PRKN: variants seen among roughly 807,000 people sequenced by gnomAD.
PRKN encodes parkin RBR E3 ubiquitin protein ligase.
In PRKN, 56 loss-of-function variants were observed where a neutral mutation model predicts 59.5. The ratio of observed to expected loss-of-function variants is 0.94; its 90% CI spans 0.76 to 1.18. PRKN has a LOEUF of 1.18. PRKN is among the 50% of genes most tolerant of loss of function. The pLI is 0.00. For missense variants in PRKN, 657 were observed against 596.4 expected (o/e 1.10, Z -1.06); for synonymous variants, 250 against 222.1 (o/e 1.13, Z -1.12).
At chr6:161,697,113 C>G (rs976893468) in intron 7 of PRKN, among the ~76,000 whole-genome samples, 5 of 152,196 alleles carry the variant, frequency 3.3e-5, no homozygotes, top group Admixed American at 6.5e-5. Flanking sequence ...TGTGTGGCTC[C>G]GTGTGAAGTA....
chr6:162,526,542 C>T (rs1409847652), intron 1 of PRKN, among the ~76,000 whole-genome samples: 3 of 151,256 alleles, frequency 2.0e-5, no homozygotes, highest in Non-Finnish European at 2.9e-5. Flanking sequence ...CCCAGCTACT[C>T]AGGAGGCTGA....
chr6:162,722,631 A>G (rs1330110171), intron 1 of PRKN, among the ~76,000 whole-genome samples: 2 of 152,234 alleles, frequency 1.3e-5, no homozygotes, highest in Admixed American at 6.5e-5. Flanking sequence ...AGAATAAAGT[A>G]TTTTGCATTA....
At chr6:162,248,455 A>T (rs7741527) in intron 3 of PRKN, among the ~76,000 whole-genome samples, 9,123 of 151,998 alleles carry the variant, frequency 0.06, 426 homozygotes, top group East Asian at 0.12. Flanking sequence ...TGCTTGCCTG[A>T]GAACTGTGCT....
At chr6:162,639,657 C>G (rs1777884354) in intron 1 of PRKN, among the ~76,000 whole-genome samples, 1 of 144,992 alleles carries the variant, frequency 6.9e-6, no homozygotes, top group Admixed American at 7.2e-5. Flanking sequence ...AAAGCCTACA[C>G]TGAACGGAAA....
chr6:161,977,547 T>G lies in PRKN; in HGVS notation c.619-4130A>C, dbSNP rs1180879059. ...CTCTACTTTCTGTTTTTTTGGTTTT[T>G]TTTTTTTTTTTTTTTTTTAAGACAG... On this transcript the variant is annotated intron_variant, in intron 5 of 11. Transcript: ENST00000366898. 3.9e-4 allele frequency among the ~76,000 whole-genome samples: 57 copies of G among 146,418 alleles called. 1 individual carries two copies. The highest frequency in any genetic ancestry group is 7.1e-3 in the Middle Eastern group (2 of 280).
intron 6 of PRKN, among the ~76,000 whole-genome samples, chr6:161,815,713 G>GGTTC (rs1791747280): frequency 6.6e-6 from 1 of 152,188 alleles, no homozygotes; most frequent in Admixed American, 6.5e-5. Flanking sequence ...CTGGTTCAGG[G>GGTTC]AGGGAGACCC....
At chr6:162,016,890 G>A (rs183545446) in intron 5 of PRKN, among the ~76,000 whole-genome samples, 137 of 152,162 alleles carry the variant, frequency 9.0e-4, no homozygotes, top group African/African-American at 3.3e-3. Context: ...GAGGGGATGG[G>A]CAGGATGGAT....
chr6:162,688,199 T>C lies in PRKN; in HGVS notation c.7+39463A>G, dbSNP rs1183494775. On this transcript the variant is annotated intron_variant, in intron 1 of 11. Coordinates refer to ENST00000366898, the MANE Select transcript of PRKN (RefSeq NM_004562.3). ...TAACACTGACTGAAAAAAACAGACA[T>C]AAAACATAATGCATGATTCCATCTA... is the stretch of plus-strand genomic sequence containing the variant. Among the ~76,000 whole-genome samples, 8 of 152,108 alleles carry C rather than the reference T, an allele frequency of 5.3e-5. No homozygotes were observed. The East Asian group carries it at 1.5e-3, about 29-fold the overall frequency.
chr6:162,720,617 A>T (rs1458296771), intron 1 of PRKN, among the ~76,000 whole-genome samples: 2 of 151,006 alleles, frequency 1.3e-5, no homozygotes, highest in Non-Finnish European at 3.0e-5. Context: ...CGCCCGGCTA[A>T]TTTTTTGTAT....
intron 7 of PRKN, among the ~76,000 whole-genome samples, chr6:161,742,904 G>T (rs535352913): frequency 4.6e-5 from 7 of 152,290 alleles, no homozygotes; most frequent in Middle Eastern, 3.4e-3. Flanking sequence ...GGCCGCAGAG[G>T]TTGAGAGAGA....
At chr6:161,392,360 G>C (rs1199311117) in intron 9 of PRKN, among the ~76,000 whole-genome samples, 1 of 151,726 alleles carries the variant, frequency 6.6e-6, no homozygotes, top group Non-Finnish European at 1.5e-5. Context: ...CTCCAGCCTG[G>C]GTGACAGGGT....
chr6:161,704,760 T>G (rs1786411417), intron 7 of PRKN, among the ~76,000 whole-genome samples: 2 of 152,106 alleles, frequency 1.3e-5, no homozygotes, highest in South Asian at 4.1e-4. Context: ...TTTCTCTGTA[T>G]CCAAATGATT....
chr6:161,715,953 C>T (rs1786956622), intron 7 of PRKN: 3 of 476,250 alleles, frequency 6.3e-6, no homozygotes, highest in South Asian at 3.1e-5. Flanking sequence ...GATACTCCAC[C>T]CTAGACAGAC....
At chr6:162,642,935 T>C (rs1222285909) in intron 1 of PRKN, among the ~76,000 whole-genome samples, 1 of 152,136 alleles carries the variant, frequency 6.6e-6, no homozygotes, top group East Asian at 1.9e-4. Flanking sequence ...AGACATAGTA[T>C]GATTGAAGAA....
intron 4 of PRKN, among the ~76,000 whole-genome samples, chr6:162,195,741 C>T (rs542668046): frequency 5.8e-4 from 89 of 152,216 alleles, no homozygotes; most frequent in African/African-American, 2.0e-3. Context: ...AATCTCCTGG[C>T]TTCTGATTCA....
intron 6 of PRKN, among the ~76,000 whole-genome samples, chr6:161,804,432 G>A (rs1291198560): frequency 1.3e-5 from 2 of 152,260 alleles, no homozygotes; most frequent in South Asian, 2.1e-4. Flanking sequence ...CAAGGCTGGT[G>A]GCCTTCAGCT....
intron 9 of PRKN, among the ~76,000 whole-genome samples, chr6:161,509,778 G>A (rs1460444444): frequency 6.6e-6 from 1 of 151,136 alleles, no homozygotes; most frequent in Non-Finnish European, 1.5e-5. Flanking sequence ...TACTCAGGAG[G>A]CTGAAGCAGG....
At chr6:162,194,749 ACCTGG>A (rs1784425588) in intron 4 of PRKN, among the ~76,000 whole-genome samples, 1 of 152,042 alleles carries the variant, frequency 6.6e-6, no homozygotes, top group African/African-American at 2.4e-5. Flanking sequence ...TTTTACCTTA[ACCTGG>A]CTCTTTTGGA....
At chr6:162,449,675 T>C (rs1171389004) in intron 1 of PRKN, among the ~76,000 whole-genome samples, 1 of 152,220 alleles carries the variant, frequency 6.6e-6, no homozygotes, top group African/African-American at 2.4e-5. Flanking sequence ...TGTTTCATAA[T>C]TCTTTATTTC....
Sources: allele counts gnomAD v4.1 joint callset (sites outside exome capture counted in the v4.1 genomes callset), GRCh38; gene constraint gnomAD v4.1.1; transcripts MANE v1.5; gene names NCBI Gene and HGNC (gene_info 2026-07-23, HGNC 2026-07-21).